Variants in NRG3 observed in about 807,000 individuals in gnomAD.
NRG3 encodes pro-neuregulin-3, membrane-bound isoform.
In NRG3, 31 loss-of-function variants were observed where a neutral mutation model predicts 66.9. The observed-to-expected ratio is 0.46, with a 90% CI of 0.35 to 0.63. The LOEUF is 0.63. Among genes scored for constraint, NRG3 ranks in the 20% least tolerant of loss-of-function variants. NRG3 has a pLI of 0.00. For synonymous variants in NRG3, 393 were observed against 359.4 expected (o/e 1.09, Z -1.06); for missense variants, 910 against 878.9 (o/e 1.04, Z -0.45).
At chr10:82,036,449 G>A (rs895845046) in intron 1 of NRG3, among the ~76,000 whole-genome samples, 5 of 152,018 alleles carry the variant, frequency 3.3e-5, no homozygotes, top group Admixed American at 6.6e-5. Context: ...AACCAGGCTC[G>A]GGGAGATTAA....
intron 2 of NRG3, among the ~76,000 whole-genome samples, chr10:82,561,985 C>G (rs2045076757): frequency 6.6e-6 from 1 of 152,150 alleles, no homozygotes; most frequent in Admixed American, 6.6e-5. Context: ...AAATTCTCTA[C>G]TTCTTTTCTC....
chr10:82,251,852 C>T (rs970359938), intron 1 of NRG3, among the ~76,000 whole-genome samples: 1 of 152,094 alleles, frequency 6.6e-6, no homozygotes, highest in African/African-American at 2.4e-5. Flanking sequence ...TGCAATCTCC[C>T]TGTGGGGGGC....
chr10:81,908,621 G>C (rs1401942595), intron 1 of NRG3, among the ~76,000 whole-genome samples: 1 of 152,168 alleles, frequency 6.6e-6, no homozygotes, highest in Non-Finnish European at 1.5e-5. Flanking sequence ...GAACTTTGAT[G>C]TTTCATGTTA....
chr10:82,924,258 G>C (rs1846759917), intron 4 of NRG3, among the ~76,000 whole-genome samples: 1 of 152,094 alleles, frequency 6.6e-6, no homozygotes, highest in East Asian at 1.9e-4. Context: ...AGACCTCAGA[G>C]GCAGAGCCCA....
intron 1 of NRG3, among the ~76,000 whole-genome samples, chr10:82,227,265 T>C (rs574569586): frequency 2.4e-4 from 37 of 152,294 alleles, no homozygotes; most frequent in Non-Finnish European, 4.6e-4. Flanking sequence ...TTAATGACTT[T>C]AAATTTGGAA....
intron 7 of NRG3, among the ~76,000 whole-genome samples, chr10:82,977,679 C>T (rs186456741): frequency 6.6e-6 from 1 of 151,204 alleles, no homozygotes; most frequent in Non-Finnish European, 1.5e-5. Flanking sequence ...TGCTTGCACA[C>T]ATTTAGGAAG....
intron 1 of NRG3, among the ~76,000 whole-genome samples, chr10:82,022,954 A>G (rs1223185977): frequency 2.0e-5 from 3 of 151,160 alleles, no homozygotes; most frequent in Non-Finnish European, 4.4e-5. Flanking sequence ...TATGGGGTAC[A>G]TGTGATATTT....
intron 3 of NRG3, among the ~76,000 whole-genome samples, chr10:82,799,251 G>C (rs2060927093): frequency 6.6e-6 from 1 of 152,028 alleles, no homozygotes; most frequent in African/African-American, 2.4e-5. Context: ...CCCTAGGCTG[G>C]GTGCGGTGGC....
intron 2 of NRG3, among the ~76,000 whole-genome samples, chr10:82,581,694 TACA>T (rs1246440725): frequency 1.3e-5 from 2 of 152,056 alleles, no homozygotes; most frequent in African/African-American, 4.8e-5. Context: ...AATGCAATAG[TACA>T]ACATTTTAAA....
intron 1 of NRG3, among the ~76,000 whole-genome samples, chr10:82,150,530 C>CAAAAAAAAAA (rs1188955647): frequency 3.7e-5 from 1 of 26,678 alleles, no homozygotes; most frequent in African/African-American, 1.5e-4. Flanking sequence ...AGAGCACACA[C>CAAAAAAAAAA]AAAAAAAAAA....
At chr10:81,995,364 G>A (rs948630919) in intron 1 of NRG3, among the ~76,000 whole-genome samples, 4 of 152,046 alleles carry the variant, frequency 2.6e-5, no homozygotes, top group Non-Finnish European at 5.9e-5. Flanking sequence ...ACTTCTTCTC[G>A]TAGGTTCACT....
chr10:82,269,510 C>T (rs1226489821), intron 1 of NRG3, among the ~76,000 whole-genome samples: 2 of 152,140 alleles, frequency 1.3e-5, no homozygotes, highest in Non-Finnish European at 2.9e-5. Flanking sequence ...TCACTCAGTA[C>T]TCACTGATCA....
At chr10:82,212,235 A>C (rs1459972250) in intron 1 of NRG3, among the ~76,000 whole-genome samples, 2 of 152,182 alleles carry the variant, frequency 1.3e-5, no homozygotes, top group African/African-American at 4.8e-5. Context: ...CTGAGGAGCA[A>C]AGAAGCACCT....
chr10:81,988,984 G>A (rs574932538), intron 1 of NRG3, among the ~76,000 whole-genome samples: 164 of 152,076 alleles, frequency 1.1e-3, no homozygotes, highest in Middle Eastern at 3.4e-3. Context: ...TTGAAGTAAC[G>A]CAAGTGAGGC....
At chr10:82,953,253 A>G (rs1592074896) in intron 5 of NRG3, among the ~76,000 whole-genome samples, 1 of 152,132 alleles carries the variant, frequency 6.6e-6, no homozygotes, top group East Asian at 1.9e-4. Flanking sequence ...AGAGTTGTGC[A>G]TTATTACTGC....
intron 1 of NRG3, among the ~76,000 whole-genome samples, chr10:82,184,752 T>C (rs967689863): frequency 3.9e-5 from 6 of 152,152 alleles, no homozygotes; most frequent in Non-Finnish European, 8.8e-5. Flanking sequence ...GATATCTTAC[T>C]GGTTTATGGG....
intron 2 of NRG3, among the ~76,000 whole-genome samples, chr10:82,621,991 G>A (rs2049070284): frequency 1.3e-5 from 2 of 152,146 alleles, no homozygotes; most frequent in Admixed American, 1.3e-4. Context: ...CAAGGAAAAA[G>A]AGAATTTTCC....
At chr10:81,896,805 C>T (rs1485760076) in intron 1 of NRG3, among the ~76,000 whole-genome samples, 1 of 152,116 alleles carries the variant, frequency 6.6e-6, no homozygotes. Context: ...CAAGATCCTT[C>T]ATTCGTCAAC....
At chr10:82,682,010 A>C (rs2054139552) in intron 2 of NRG3, among the ~76,000 whole-genome samples, 1 of 152,226 alleles carries the variant, frequency 6.6e-6, no homozygotes, top group Non-Finnish European at 1.5e-5. Flanking sequence ...AACACTGGGC[A>C]AGGGAACAAG....
Sources: allele counts gnomAD v4.1 joint callset (sites outside exome capture counted in the v4.1 genomes callset), GRCh38; gene constraint gnomAD v4.1.1; transcripts MANE v1.5; gene names NCBI Gene and HGNC (gene_info 2026-07-23, HGNC 2026-07-21).